Variants in SIAH3 observed in about 807,000 individuals in gnomAD.
The protein encoded by SIAH3 is siah E3 ubiquitin protein ligase family member 3, also known as seven in absentia homolog 3.
In SIAH3, 9 loss-of-function variants were observed where a neutral mutation model predicts 12.6. That is an observed-to-expected ratio of 0.72 (90% confidence interval 0.43 to 1.25). SIAH3 has a LOEUF of 1.25. SIAH3 is among the 50% of genes most tolerant of loss of function. The pLI is 0.00. For missense variants in SIAH3, 390 were observed against 365.4 expected, an observed-to-expected ratio of 1.07 and a Z score of -0.55; for synonymous variants, 154 against 151.1, an observed-to-expected ratio of 1.02 and a Z score of -0.14.
intron 1 of SIAH3, among the ~76,000 whole-genome samples, chr13:45,786,202 C>G (rs1260238344): frequency 6.6e-6 from 1 of 152,142 alleles, no homozygotes; most frequent in African/African-American, 2.4e-5. Context: ...TCCCATGGAC[C>G]TTCCCACTGT....
rs149525115 is a variant in SIAH3, at chr13:45,839,648, C to T, written c.135+11847G>A. Among the ~76,000 whole-genome samples, 1,225 of 151,990 alleles carry T rather than the reference C, an allele frequency of 8.1e-3. 13 individuals carry two copies. The highest frequency in any genetic ancestry group is 0.028 in the African/African-American group (1,160 of 41,442). ...GAGATCAAGACCATCCTGGCTAACACGGTGAAACCCCATCTCTACTAAAAA... is the reference window on the plus strand; with the variant it reads ...GAGATCAAGACCATCCTGGCTAACATGGTGAAACCCCATCTCTACTAAAAA... On this transcript the variant is annotated intron_variant, in intron 1 of 1. Coordinates refer to ENST00000400405, the MANE Select transcript of SIAH3 (RefSeq NM_198849.3).
rs1950517095 is a variant in SIAH3 at position 45,784,067 on chromosome 13, A to T, written c.136-10T>A. ...GCCGACTGGACACATACTGTAAGGA[A>T]AGAGAAGAACGTCAGTGCGGGGATG... is the stretch of plus-strand genomic sequence containing the variant. On this transcript the variant is annotated splice_polypyrimidine_tract_variant and intron_variant, in intron 1 of 1. Transcript: ENST00000400405. The T allele has an allele frequency of 1.3e-6, 2 of 1,563,266 alleles. No individual in the cohort carries two copies. Among genetic ancestry groups the T allele is most frequent in the Non-Finnish European group, 1.7e-6 (2 of 1,155,402 alleles).
At chr13:45,841,270 C>T (rs1176025521) in intron 1 of SIAH3, among the ~76,000 whole-genome samples, 3 of 152,192 alleles carry the variant, frequency 2.0e-5, no homozygotes, top group Non-Finnish European at 4.4e-5. Flanking sequence ...GCTAGGCTTG[C>T]TGGCCAGTCT....
chr13:45,819,267 T>G (rs1373507994), intron 1 of SIAH3, among the ~76,000 whole-genome samples: 1 of 152,240 alleles, frequency 6.6e-6, no homozygotes, highest in Non-Finnish European at 1.5e-5. Flanking sequence ...GAATTTTACG[T>G]GAGCCATTGT....
At position 45,778,654 on chromosome 13, in the gene SIAH3, T is replaced by A. The variant is rs1290368520; in HGVS notation, c.*4729A>T. On this transcript the variant is annotated 3_prime_UTR_variant, in exon 2 of 2. Transcript: ENST00000400405. ...CCCACCCTGCTGTGCTCATCAGCAA[T>A]GTCTAGGCAGTGGTATTAAGTCAAC... 6.6e-6 allele frequency: 1 copy of A among 152,094 alleles called. No homozygotes were observed. Among genetic ancestry groups the A allele is most frequent in the Non-Finnish European group, 1.5e-5 (1 of 68,020 alleles). The allele number at this position is 152,094 out of a possible 1,614,324, so 9.4% of individuals were successfully genotyped here.
intron 1 of SIAH3, among the ~76,000 whole-genome samples, chr13:45,790,156 T>G (rs1350118449): frequency 6.6e-6 from 1 of 152,180 alleles, no homozygotes; most frequent in African/African-American, 2.4e-5. Context: ...ATACAAATTT[T>G]CTTTACTGGT....
chr13:45,829,029 A>C (rs1025629235), intron 1 of SIAH3, among the ~76,000 whole-genome samples: 8 of 152,202 alleles, frequency 5.3e-5, no homozygotes, highest in Admixed American at 1.3e-4. Flanking sequence ...TTACATAACT[A>C]AGTTAATAAT....
intron 1 of SIAH3, among the ~76,000 whole-genome samples, chr13:45,822,517 TCAA>T (rs1950659095): frequency 2.4e-5 from 1 of 42,218 alleles, no homozygotes; most frequent in African/African-American, 1.0e-4. Flanking sequence ...ATTTTCATTA[TCAA>T]ATATATATAT....
At chr13:45,832,749 A>T (rs1950704084) in intron 1 of SIAH3, among the ~76,000 whole-genome samples, 1 of 152,220 alleles carries the variant, frequency 6.6e-6, no homozygotes, top group South Asian at 2.1e-4. Flanking sequence ...GGAGCTTCAT[A>T]CTATTTTTTA....
chr13:45,810,894 C>T (rs1176464017), intron 1 of SIAH3, among the ~76,000 whole-genome samples: 1 of 152,074 alleles, frequency 6.6e-6, no homozygotes, highest in African/African-American at 2.4e-5. Context: ...AAAGCAGGAA[C>T]AGAGTGAGAA....
chr13:45,839,462 C>T (rs1184261921), intron 1 of SIAH3, among the ~76,000 whole-genome samples: 1 of 152,186 alleles, frequency 6.6e-6, no homozygotes, highest in South Asian at 2.1e-4. Context: ...CACAAACTTC[C>T]TTTCCTTCAG....
intron 1 of SIAH3, among the ~76,000 whole-genome samples, chr13:45,786,113 TC>T (rs1204940084): frequency 6.6e-6 from 1 of 152,142 alleles, no homozygotes; most frequent in Admixed American, 6.6e-5. Flanking sequence ...AGTGATTTGG[TC>T]GGGGGGGTTT....
In SIAH3 at chr13:45,783,298, TA is replaced by T; in HGVS notation, c.*84del. On this transcript the variant is annotated 3_prime_UTR_variant, in exon 2 of 2. Transcript: ENST00000400405. ...AAAAAAAAAAAAGAAAGGAGAAGAATAAAAAGGAGTCTGGAGTCCTGGTATT... is the reference window on the plus strand; with the variant it reads ...AAAAAAAAAAAAGAAAGGAGAAGAATAAAAGGAGTCTGGAGTCCTGGTATT... 2 of 876,742 alleles carry T rather than the reference TA, an allele frequency of 2.3e-6. No homozygotes were observed. The highest frequency in any genetic ancestry group is 3.3e-6 in the Non-Finnish European group (2 of 612,544). The allele number at this position is 876,742 out of a possible 1,614,324, so 54.3% of individuals were successfully genotyped here.
At chr13:45,799,569 T>G (rs1021420446) in intron 1 of SIAH3, among the ~76,000 whole-genome samples, 1 of 152,106 alleles carries the variant, frequency 6.6e-6, no homozygotes, top group African/African-American at 2.4e-5. Flanking sequence ...CACAAGTAGT[T>G]TGTACCCAGG....
intron 1 of SIAH3, among the ~76,000 whole-genome samples, chr13:45,830,205 C>T (rs1347639671): frequency 6.6e-6 from 1 of 152,208 alleles, no homozygotes; most frequent in Non-Finnish European, 1.5e-5. Context: ...CTCTTCTCAT[C>T]CCTAGTTCCA....
intron 1 of SIAH3, among the ~76,000 whole-genome samples, chr13:45,827,282 G>A (rs1950682144): frequency 6.6e-6 from 1 of 152,192 alleles, no homozygotes; most frequent in Admixed American, 6.5e-5. Flanking sequence ...TGCTGGAGCT[G>A]CAGCCAGTGT....
intron 1 of SIAH3, among the ~76,000 whole-genome samples, chr13:45,786,322 C>A (rs756018732): frequency 2.6e-5 from 4 of 152,166 alleles, no homozygotes; most frequent in Non-Finnish European, 4.4e-5. Context: ...TGAGAAGGCC[C>A]CTCTCTACCA....
At chr13:45,843,371 C>T (rs1663787461) in intron 1 of SIAH3, among the ~76,000 whole-genome samples, 1 of 152,144 alleles carries the variant, frequency 6.6e-6, no homozygotes, top group African/African-American at 2.4e-5. Context: ...CAGATATATA[C>T]TCTTCGAATC....
At chr13:45,792,160 A>C (rs1010722025) in intron 1 of SIAH3, among the ~76,000 whole-genome samples, 8 of 152,166 alleles carry the variant, frequency 5.3e-5, no homozygotes, top group African/African-American at 1.9e-4. Flanking sequence ...TCTGGAAGGC[A>C]GACCATTAGA....
Sources: gnomAD v4.1 joint callset for allele counts (sites outside exome capture counted in the v4.1 genomes callset) on GRCh38, gnomAD v4.1.1 for gene constraint, MANE v1.5 for transcripts, NCBI Gene and HGNC (gene_info 2026-07-23, HGNC 2026-07-21) for gene names.